The following NCK2 variants were observed in gnomAD, a reference collection of about 807,000 sequenced individuals.
The protein encoded by NCK2 is NCK adaptor protein 2, also known as cytoplasmic protein NCK2.
NCK2 carries 16 observed loss-of-function variants against 33.9 expected under a neutral mutation model. The observed-to-expected ratio is 0.47, with a 90% CI of 0.32 to 0.72. NCK2 has a LOEUF of 0.72. NCK2 is among the 30% of genes least tolerant of loss of function. The pLI is 0.03. For synonymous variants in NCK2, 273 were observed against 239.9 expected, an observed-to-expected ratio of 1.14 and a Z score of -1.27; for missense variants, 418 against 537.3, an observed-to-expected ratio of 0.78 and a Z score of 2.19.
At chr2:105,755,103 T>C (rs1187927829) in intron 1 of NCK2, among the ~76,000 whole-genome samples, 1 of 152,166 alleles carries the variant, frequency 6.6e-6, no homozygotes, top group Non-Finnish European at 1.5e-5. Flanking sequence ...GTGCTTCTGT[T>C]ATTGTCTTCT....
intron 2 of NCK2, among the ~76,000 whole-genome samples, chr2:105,832,571 T>G (rs1322295410): frequency 2.0e-5 from 3 of 152,250 alleles, no homozygotes; most frequent in Non-Finnish European, 4.4e-5. Context: ...GTTTTTGTTC[T>G]TCATTTTGTT....
rs13388412 is a variant in NCK2, at chr2:105,749,802, C to A, written c.-201+4664C>A. ...TATGGGCCAGGGTTACCCTGGAAAG[C>A]CTCCTCAAGTTCAGAAAGCTTATTC... On this transcript the variant is annotated intron_variant, in intron 1 of 4. Coordinates refer to ENST00000233154, the MANE Select transcript of NCK2 (RefSeq NM_003581.5). Among the ~76,000 whole-genome samples, 1,117 of 152,070 alleles carry A rather than the reference C, an allele frequency of 7.3e-3. 11 individuals carry two copies. The highest frequency in any genetic ancestry group is 0.026 in the African/African-American group (1,067 of 41,446).
At chr2:105,758,234 A>G (rs976626568) in intron 1 of NCK2, among the ~76,000 whole-genome samples, 6 of 152,166 alleles carry the variant, frequency 3.9e-5, no homozygotes, top group African/African-American at 1.4e-4. Flanking sequence ...CACATTTGAT[A>G]TAGAGATGTA....
At chr2:105,782,456 C>T (rs7571132) in intron 1 of NCK2, among the ~76,000 whole-genome samples, 70,585 of 152,064 alleles carry the variant, frequency 0.46, 17,431 homozygotes, top group African/African-American at 0.63. Context: ...ATATAATGAA[C>T]GCTCTTTTCT....
intron 2 of NCK2, among the ~76,000 whole-genome samples, chr2:105,837,962 AC>A (rs1408615640): frequency 6.6e-6 from 1 of 152,238 alleles, no homozygotes; most frequent in African/African-American, 2.4e-5. Flanking sequence ...TATATTCAAC[AC>A]CAGTCCTGTA....
At chr2:105,861,751 A>G (rs1193530272) in intron 3 of NCK2, among the ~76,000 whole-genome samples, 1 of 151,934 alleles carries the variant, frequency 6.6e-6, no homozygotes, top group Non-Finnish European at 1.5e-5. Context: ...CTGACCTCAA[A>G]TAATCCACCT....
At chr2:105,809,723 T>C (rs1036433554) in intron 1 of NCK2, among the ~76,000 whole-genome samples, 1 of 152,210 alleles carries the variant, frequency 6.6e-6, no homozygotes, top group Non-Finnish European at 1.5e-5. Flanking sequence ...CACTTATGAC[T>C]TATTCACAGA....
At chr2:105,855,018 A>C in intron 2 of NCK2, 30 bp from the exon 3 acceptor site, 1 of 1,548,008 alleles carries the variant, frequency 6.5e-7, no homozygotes, top group Non-Finnish European at 8.9e-7. Context: ...GTAGTTCTCT[A>C]ATGAGCATCT....
At chr2:105,868,504 T>C (rs1412231289) in intron 3 of NCK2, among the ~76,000 whole-genome samples, 1 of 152,190 alleles carries the variant, frequency 6.6e-6, no homozygotes, top group Admixed American at 6.5e-5. Flanking sequence ...TTGTTGATTG[T>C]CTGATTTGTG....
chr2:105,766,130 G>A (rs536038510), intron 1 of NCK2, among the ~76,000 whole-genome samples: 16 of 152,182 alleles, frequency 1.1e-4, no homozygotes, highest in Middle Eastern at 3.4e-3. Context: ...GGAAACAAAA[G>A]AATGAGGGGA....
intron 4 of NCK2, among the ~76,000 whole-genome samples, chr2:105,891,416 A>G: frequency 6.6e-6 from 1 of 152,024 alleles, no homozygotes; most frequent in South Asian, 2.1e-4. Context: ...ATGTGTTAGT[A>G]ACTAATTGTT....
intron 1 of NCK2, among the ~76,000 whole-genome samples, chr2:105,748,715 G>T (rs532483456): frequency 6.6e-6 from 1 of 152,108 alleles, no homozygotes; most frequent in Non-Finnish European, 1.5e-5. Flanking sequence ...ACCATACCCT[G>T]CCCTATGGTT....
intron 2 of NCK2, among the ~76,000 whole-genome samples, chr2:105,843,371 T>C (rs1262084354): frequency 6.7e-6 from 1 of 149,848 alleles, no homozygotes; most frequent in Non-Finnish European, 1.5e-5. Flanking sequence ...TCTTAGCCTG[T>C]ATTTCTGTAC....
At chr2:105,744,700 GC>G (rs1689198742), upstream of NCK2, among the ~76,000 whole-genome samples, 1 of 151,394 alleles carries the variant, frequency 6.6e-6, no homozygotes, top group African/African-American at 2.4e-5. Context: ...GGACCCGGGC[GC>G]GGAGCCTGGC....
intron 1 of NCK2, among the ~76,000 whole-genome samples, chr2:105,783,306 C>G (rs1558834984): frequency 6.6e-6 from 1 of 152,208 alleles, no homozygotes; most frequent in Non-Finnish European, 1.5e-5. Flanking sequence ...CATCGCCCTC[C>G]TCCTTTGGGG....
chr2:105,755,557 T>G (rs1689576247), intron 1 of NCK2, among the ~76,000 whole-genome samples: 1 of 152,272 alleles, frequency 6.6e-6, no homozygotes, highest in East Asian at 1.9e-4. Context: ...TTCAACACAT[T>G]GCACGTTCAT....
At chr2:105,774,640 C>T (rs1690244959) in intron 1 of NCK2, among the ~76,000 whole-genome samples, 1 of 152,034 alleles carries the variant, frequency 6.6e-6, no homozygotes, top group African/African-American at 2.4e-5. Flanking sequence ...GAACTCTAGA[C>T]CTGGCTGTTG....
chr2:105,852,159 A>G (rs984551128), intron 2 of NCK2, among the ~76,000 whole-genome samples: 1 of 152,170 alleles, frequency 6.6e-6, no homozygotes, highest in Non-Finnish European at 1.5e-5. Flanking sequence ...GACTGTCATT[A>G]AATAAGGCAC....
chr2:105,786,368 G>T (rs1690681843), intron 1 of NCK2, among the ~76,000 whole-genome samples: 2 of 152,182 alleles, frequency 1.3e-5, no homozygotes, highest in African/African-American at 4.8e-5. Flanking sequence ...GGGCAGGCTG[G>T]GGACAGGATG....
Sources: allele counts gnomAD v4.1 joint callset (sites outside exome capture counted in the v4.1 genomes callset), GRCh38; gene constraint gnomAD v4.1.1; transcripts MANE v1.5; gene names NCBI Gene and HGNC (gene_info 2026-07-23, HGNC 2026-07-21).